SLC39A9: variants seen among roughly 807,000 people sequenced by gnomAD.
SLC39A9 encodes the protein zinc transporter ZIP9.
SLC39A9 carries 14 observed loss-of-function variants against 28.4 expected under a neutral mutation model. That is an observed-to-expected ratio of 0.49 (90% CI 0.33 to 0.77). SLC39A9 has a LOEUF of 0.77. SLC39A9 is among the 30% of genes least tolerant of loss of function. The pLI, the probability that SLC39A9 is intolerant of heterozygous loss-of-function variation, is 0.02. For synonymous variants in SLC39A9, 119 were observed against 149.6 expected (o/e 0.80, Z 1.49); for missense variants, 283 against 381.1 (o/e 0.74, Z 2.14).
chr14:69,418,793 C>T (rs1378132417), intron 1 of SLC39A9, among the ~76,000 whole-genome samples: 12 of 152,076 alleles, frequency 7.9e-5, no homozygotes, highest in African/African-American at 2.9e-4. Flanking sequence ...AGTTTATTTG[C>T]GTAGAGGTGT....
At chr14:69,430,516 GT>G in intron 2 of SLC39A9, among the ~76,000 whole-genome samples, 1 of 151,626 alleles carries the variant, frequency 6.6e-6, no homozygotes, top group East Asian at 1.9e-4. Flanking sequence ...TCTCTGTTCT[GT>G]TTTATTGATC....
chr14:69,455,784 GGA>G lies in SLC39A9; in HGVS notation c.612_613del (p.Asn205SerfsTer26). 1 of 1,614,186 alleles carries G rather than the reference GGA, an allele frequency of 6.2e-7. No individual in the cohort carries two copies. The highest frequency in any genetic ancestry group is 8.5e-7 in the Non-Finnish European group (1 of 1,180,036). On this transcript the variant is annotated frameshift_variant, in exon 6 of 7. Transcript: ENST00000336643. LOFTEE classifies it high-confidence loss of function. Reference sequence around the variant, plus strand: ...TTCTTGATGCATGCTGGCTTAGAGCGGAATCGAATCAGAAAGCACTTGCTGGT... The same window carrying G: ...TTCTTGATGCATGCTGGCTTAGAGCGATCGAATCAGAAAGCACTTGCTGGT...
At chr14:69,421,637 C>G (rs1341958708) in intron 1 of SLC39A9, among the ~76,000 whole-genome samples, 1 of 152,166 alleles carries the variant, frequency 6.6e-6, no homozygotes, top group Admixed American at 6.5e-5. Flanking sequence ...GGCAGGCCTC[C>G]TTGAGCTGCA....
In SLC39A9 at chr14:69,459,013, T is replaced by C; in HGVS notation, c.*420T>C. ...GAGGCTCTGCTACTTTATCCATTGA[T>C]TTTTAACATGGTTCCCACCATGTAA... On this transcript the variant is annotated 3_prime_UTR_variant, in exon 7 of 7. Transcript: ENST00000336643. The C allele has an allele frequency of 1.0e-6, 1 of 992,106 alleles. No homozygotes were observed. Among genetic ancestry groups the C allele is most frequent in the Non-Finnish European group, 1.2e-6 (1 of 833,404 alleles). The allele number at this position is 992,106 out of a possible 1,614,324, so 61.5% of individuals were successfully genotyped here. A position where few individuals can be genotyped will look rare whatever the true frequency, so the allele number is the denominator to read the frequency against.
At chr14:69,426,059 A>G (rs1884171906) in intron 2 of SLC39A9, among the ~76,000 whole-genome samples, 1 of 152,206 alleles carries the variant, frequency 6.6e-6, no homozygotes. Flanking sequence ...CTCTCACACC[A>G]CAACAATCAT....
chr14:69,438,999 T>TAAA (rs1884913143), intron 2 of SLC39A9, among the ~76,000 whole-genome samples: 1 of 152,202 alleles, frequency 6.6e-6, no homozygotes, highest in Non-Finnish European at 1.5e-5. Context: ...AAGTTGTCTC[T>TAAA]GTTTTCAGGT....
chr14:69,423,683 A>T (rs1053684975), intron 1 of SLC39A9, among the ~76,000 whole-genome samples: 1 of 152,156 alleles, frequency 6.6e-6, no homozygotes, highest in African/African-American at 2.4e-5. Flanking sequence ...GGATCACCTG[A>T]GGTCAGGAGT....
intron 1 of SLC39A9, among the ~76,000 whole-genome samples, chr14:69,422,405 T>C (rs1356963159): frequency 2.6e-5 from 4 of 152,148 alleles, no homozygotes; most frequent in Non-Finnish European, 5.9e-5. Context: ...TTTTTTATTA[T>C]TTTTTATTTT....
chr14:69,416,241 G>A (rs141067922), intron 1 of SLC39A9, among the ~76,000 whole-genome samples: 2,442 of 152,194 alleles, frequency 0.016, 41 homozygotes, highest in South Asian at 0.052. Flanking sequence ...CTGTCTTTCC[G>A]ATAGTTTGCT....
Position 69,460,504 on chromosome 14 carries a change from TTC to T in SLC39A9, c.*1917_*1918del. Reference sequence around the variant, plus strand: ...CTTCAAAACTATATGGTTGCCTAGATTCTCTCTGGAAACTGACTTTGTCAAAT... The same window carrying T: ...CTTCAAAACTATATGGTTGCCTAGATTCTCTGGAAACTGACTTTGTCAAAT... On this transcript the variant is annotated 3_prime_UTR_variant, in exon 7 of 7. Coordinates refer to ENST00000336643, the MANE Select transcript of SLC39A9 (RefSeq NM_018375.5). The T allele has an allele frequency of 1.0e-6, 1 of 985,490 alleles. No individual in the cohort carries two copies. The highest frequency in any genetic ancestry group is 1.2e-6 in the Non-Finnish European group (1 of 829,942). 61.0% of individuals were successfully genotyped at this position (985,490 alleles called of 1,614,324 possible). A position where few individuals can be genotyped will look rare whatever the true frequency, so the allele number is the denominator to read the frequency against.
rs1240994882 is a variant in SLC39A9 at position 69,424,112 on chromosome 14, A to T, written c.115A>T (p.Thr39Ser). 6.2e-7 allele frequency: 1 copy of T among 1,613,712 alleles called. No homozygotes were observed. Among genetic ancestry groups the T allele is most frequent in the East Asian group, 2.2e-5 (1 of 44,860 alleles). The change falls in exon 2 of 7, where the codon ACT becomes TCT. Residue 39 changes from threonine to serine, a missense_variant. Thr to Ser is a moderately conservative substitution (Grantham distance 58). Transcript: ENST00000336643. ...TCCCCAGGAACGACTGAAGCTGGTG[A>T]CTGTTTTGGGTGCTGGCCTTCTCTG... is the stretch of plus-strand genomic sequence containing the variant. ...NFSEERLKLV[T>S]VLGAGLLCGT... is the part of the protein sequence containing the mutation.
At chr14:69,424,776 T>C (rs1884098887) in intron 2 of SLC39A9, among the ~76,000 whole-genome samples, 1 of 152,086 alleles carries the variant, frequency 6.6e-6, no homozygotes, top group Non-Finnish European at 1.5e-5. Context: ...TGATTCACAT[T>C]TGTGACTTAG....
chr14:69,425,316 A>G (rs1025810661), intron 2 of SLC39A9, among the ~76,000 whole-genome samples: 1 of 152,222 alleles, frequency 6.6e-6, no homozygotes, highest in East Asian at 1.9e-4. Flanking sequence ...ATTTTCTTTC[A>G]TATTCTAGTG....
chr14:69,409,771 G>T (rs967026148), intron 1 of SLC39A9, among the ~76,000 whole-genome samples: 2 of 152,212 alleles, frequency 1.3e-5, no homozygotes, highest in Admixed American at 6.5e-5. Flanking sequence ...CAAGCATTGA[G>T]TGTATTTCAG....
intron 1 of SLC39A9, among the ~76,000 whole-genome samples, chr14:69,410,824 AT>A (rs149794392): frequency 2.1e-3 from 299 of 142,206 alleles, no homozygotes; most frequent in Middle Eastern, 7.2e-3. Context: ...TGTACCTTTG[AT>A]TTTTTTTTTT....
At chr14:69,429,934 G>A (rs1390725684) in intron 2 of SLC39A9, among the ~76,000 whole-genome samples, 1 of 152,172 alleles carries the variant, frequency 6.6e-6, no homozygotes, top group Non-Finnish European at 1.5e-5. Flanking sequence ...ATATCTCAGT[G>A]TGGTTTTAAT....
intron 1 of SLC39A9, among the ~76,000 whole-genome samples, chr14:69,403,717 T>C: frequency 6.6e-6 from 1 of 152,196 alleles, no homozygotes; most frequent in East Asian, 1.9e-4. Context: ...GCAGACCAGT[T>C]TGAGTTATAA....
chr14:69,406,854 T>TTG (rs1555405676), intron 1 of SLC39A9, among the ~76,000 whole-genome samples: 1 of 136,326 alleles, frequency 7.3e-6, no homozygotes, highest in Non-Finnish European at 1.6e-5. Flanking sequence ...CTTTGTTTTT[T>TTG]TTTTTTTTTT....
At chr14:69,445,290 C>T (rs1254426616) in intron 3 of SLC39A9, among the ~76,000 whole-genome samples, 1 of 152,010 alleles carries the variant, frequency 6.6e-6, no homozygotes, top group Non-Finnish European at 1.5e-5. Flanking sequence ...ACAGCAAGAC[C>T]AACCCCTCCT....
Sources: allele counts gnomAD v4.1 joint callset (sites outside exome capture counted in the v4.1 genomes callset), GRCh38; gene constraint gnomAD v4.1.1; transcripts MANE v1.5; gene names NCBI Gene and HGNC (gene_info 2026-07-23, HGNC 2026-07-21).